Variants in MELK observed in about 807,000 individuals in gnomAD.
The protein encoded by MELK is pEg3 kinase.
In MELK, 81 loss-of-function variants were observed where a neutral mutation model predicts 85.0. The ratio of observed to expected loss-of-function variants is 0.95; its 90% CI spans 0.80 to 1.15. The LOEUF (loss-of-function observed/expected upper bound fraction) is 1.15. Ranked by LOEUF, MELK falls within the 50% of genes most tolerant of loss-of-function variation. The probability of loss-of-function intolerance (pLI) is 0.00; values close to 1 mark genes in which losing one functional copy is unlikely to be tolerated. For missense variants in MELK, 754 were observed against 777.5 expected, an observed-to-expected ratio of 0.97 and a Z score of 0.36; for synonymous variants, 252 against 265.0, an observed-to-expected ratio of 0.95 and a Z score of 0.48.
intron 11 of MELK, among the ~76,000 whole-genome samples, chr9:36,648,842 C>A (rs1216520487): frequency 6.6e-6 from 1 of 152,096 alleles, no homozygotes; most frequent in Admixed American, 6.5e-5. Context: ...TAACGTAATT[C>A]TTCACTTTTA....
intron 7 of MELK, among the ~76,000 whole-genome samples, chr9:36,601,006 A>G (rs933124037): frequency 6.6e-6 from 1 of 152,008 alleles, no homozygotes; most frequent in Non-Finnish European, 1.5e-5. Context: ...ATCATTCTCT[A>G]TGTTTATATA....
chr9:36,650,880 G>A (rs1260871100), intron 11 of MELK, among the ~76,000 whole-genome samples: 3 of 152,228 alleles, frequency 2.0e-5, no homozygotes, highest in African/African-American at 7.2e-5. Flanking sequence ...GTTAGCAGAT[G>A]TGTGTGAACA....
intron 16 of MELK, among the ~76,000 whole-genome samples, 163 bp downstream of exon 16, chr9:36,671,329 GCAGTCAGTAAATAGATACAGTCA>G (rs1302096620): frequency 1.3e-5 from 2 of 152,080 alleles, no homozygotes; most frequent in Non-Finnish European, 2.9e-5. Flanking sequence ...ATGTTACTGT[GCAGTCAGTAAATAGATACAGTCA>G]CTCCCTTCAA....
chr9:36,599,451 GAGT>G lies in MELK; in HGVS notation c.533_535del (p.Glu178_Leu179delinsVal). The G allele has an allele frequency of 6.2e-7, 1 of 1,613,430 alleles. No homozygotes were observed. The highest frequency in any genetic ancestry group is 8.5e-7 in the Non-Finnish European group (1 of 1,179,520). Reference sequence around the variant, plus strand: ...TGGGAGTCTGGCTTATGCAGCACCTGAGTTAATACAAGGCAAATCATATCTTGG... The same window carrying G: ...TGGGAGTCTGGCTTATGCAGCACCTGTAATACAAGGCAAATCATATCTTGG... On this transcript the variant is annotated inframe_deletion, in exon 7 of 18. Coordinates refer to ENST00000298048, the MANE Select transcript of MELK (RefSeq NM_014791.4).
At chr9:36,640,875 A>AT (rs1416440126) in intron 10 of MELK, among the ~76,000 whole-genome samples, 1 of 152,210 alleles carries the variant, frequency 6.6e-6, no homozygotes, top group Non-Finnish European at 1.5e-5. Context: ...CAGCGTATGA[A>AT]TTGAGGGGAA....
At chr9:36,594,476 G>C (rs753669386) in intron 4 of MELK, 152 bp from the exon 5 acceptor site, 78 of 759,610 alleles carry the variant, frequency 1.0e-4, no homozygotes, top group Non-Finnish European at 1.5e-4. Flanking sequence ...GTTTGATCCT[G>C]AGAGTGTACT....
chr9:36,620,836 A>T (rs1263561296), intron 8 of MELK, among the ~76,000 whole-genome samples: 2 of 151,742 alleles, frequency 1.3e-5, no homozygotes, highest in African/African-American at 4.8e-5. Flanking sequence ...GCCATGAGCC[A>T]CCGCACCCAG....
At chr9:36,653,869 A>G (rs1023313827) in intron 12 of MELK, among the ~76,000 whole-genome samples, 3 of 151,750 alleles carry the variant, frequency 2.0e-5, no homozygotes, top group Non-Finnish European at 2.9e-5. Context: ...TTTAATATCT[A>G]TCTCATTTAG....
At chr9:36,611,597 C>T (rs1227344725) in intron 8 of MELK, among the ~76,000 whole-genome samples, 1 of 152,022 alleles carries the variant, frequency 6.6e-6, no homozygotes, top group African/African-American at 2.4e-5. Flanking sequence ...AGAATCTCTA[C>T]TTTCTATCTG....
chr9:36,592,466 C>T (rs533052020), intron 4 of MELK, among the ~76,000 whole-genome samples: 5 of 152,098 alleles, frequency 3.3e-5, no homozygotes, highest in South Asian at 4.2e-4. Context: ...AGTGAGCCAC[C>T]GCGCCCGGCC....
intron 13 of MELK, among the ~76,000 whole-genome samples, chr9:36,660,973 A>G (rs1403579879): frequency 6.6e-6 from 1 of 152,178 alleles, no homozygotes; most frequent in African/African-American, 2.4e-5. Flanking sequence ...CCTGGGCAAC[A>G]AGAGCAAAAC....
chr9:36,639,851 TAAAA>T (rs1829591881), intron 10 of MELK, among the ~76,000 whole-genome samples: 2 of 152,082 alleles, frequency 1.3e-5, no homozygotes, highest in South Asian at 4.1e-4. Flanking sequence ...CTTTTACAGT[TAAAA>T]AAATATTTTT....
chr9:36,595,140 TGG>T (rs1181962329), intron 5 of MELK, among the ~76,000 whole-genome samples: 1 of 151,684 alleles, frequency 6.6e-6, no homozygotes, highest in Non-Finnish European at 1.5e-5. Flanking sequence ...TTGGTCAGTC[TGG>T]TCATTTTTTT....
chr9:36,628,402 A>G (rs999156875), intron 8 of MELK, among the ~76,000 whole-genome samples: 1 of 151,860 alleles, frequency 6.6e-6, no homozygotes, highest in Non-Finnish European at 1.5e-5. Flanking sequence ...CTTTTTCTCA[A>G]TTTGTTGTTA....
intron 8 of MELK, among the ~76,000 whole-genome samples, chr9:36,619,413 A>G (rs943266117): frequency 2.6e-5 from 4 of 152,224 alleles, no homozygotes; most frequent in Admixed American, 1.3e-4. Context: ...GGCCATGAGT[A>G]TAACTGGGGC....
Position 36,607,662 on chromosome 9 carries a change from A to G in MELK, c.655A>G (p.Lys219Glu), listed in dbSNP as rs1216065000. 1.3e-6 allele frequency: 2 copies of G among 1,598,076 alleles called. No homozygotes were observed. The highest frequency in any genetic ancestry group is 1.1e-5 in the South Asian group (1 of 90,752). ...TGATGATAATGTAATGGCTTTATAC[A>G]AGAAGATTATGGTGAGTATTACAAG... ...FDDDNVMALY[K>E]KIMRGKYDVP... The change falls in exon 8 of 18, where the codon AAG (lysine) becomes GAG (glutamate). Residue 219 changes from lysine (K) to glutamate (E), a missense_variant. By Grantham distance (56) the Lys-to-Glu change is moderately conservative. Coordinates refer to ENST00000298048, the MANE Select transcript of MELK (RefSeq NM_014791.4).
chr9:36,641,556 T>C (rs1829753998), intron 10 of MELK, among the ~76,000 whole-genome samples: 1 of 151,590 alleles, frequency 6.6e-6, no homozygotes, highest in Admixed American at 6.6e-5. Flanking sequence ...AGGAGGCCTT[T>C]AAGCAGAACA....
At chr9:36,653,885 C>T (rs1830961597) in intron 12 of MELK, among the ~76,000 whole-genome samples, 1 of 152,074 alleles carries the variant, frequency 6.6e-6, no homozygotes, top group Non-Finnish European at 1.5e-5. Context: ...TTTAGATCTC[C>T]TTTTGGTACT....
intron 8 of MELK, among the ~76,000 whole-genome samples, chr9:36,615,682 T>G (rs1204313767): frequency 1.4e-4 from 16 of 117,096 alleles, no homozygotes; most frequent in African/African-American, 2.6e-4. Flanking sequence ...AGACGGGGTC[T>G]CGGCCGGGCA....
Sources: gnomAD v4.1 joint callset for allele counts (sites outside exome capture counted in the v4.1 genomes callset) on GRCh38, gnomAD v4.1.1 for gene constraint, MANE v1.5 for transcripts, NCBI Gene and HGNC (gene_info 2026-07-23, HGNC 2026-07-21) for gene names.